Variants in C14orf93 observed in about 807,000 individuals in gnomAD.
C14orf93 encodes chromosome 14 open reading frame 93.
A neutral mutation model predicts 44.0 loss-of-function variants in C14orf93; 23 were observed. The ratio of observed to expected loss-of-function variants is 0.52; its 90% CI spans 0.38 to 0.74. C14orf93 has a LOEUF of 0.74. Among genes scored for constraint, C14orf93 ranks in the 30% least tolerant of loss-of-function variants. The probability of loss-of-function intolerance (pLI) is 0.00; values close to 1 mark genes in which losing one functional copy is unlikely to be tolerated. For missense variants in C14orf93, 579 were observed against 678.9 expected (o/e 0.85, Z 1.64); for synonymous variants, 253 against 265.7 (o/e 0.95, Z 0.46).
chr14:22,991,699 T>C (rs776857627), intron 3 of C14orf93, among the ~76,000 whole-genome samples: 11 of 150,962 alleles, frequency 7.3e-5, no homozygotes, highest in African/African-American at 1.5e-4. Context: ...GCCTCCCGAG[T>C]AGCTGGGACT....
Position 22,996,228 on chromosome 14 carries a change from C to T in C14orf93, c.638G>A (p.Arg213Gln), listed in dbSNP as rs1462918039. The change falls in exon 3 of 7, where the codon CGA (arginine) becomes CAA (glutamine). Residue 213 changes from arginine to glutamine, a missense_variant. Arg to Gln is a conservative substitution (Grantham distance 43). Transcript: ENST00000299088. This position sits in a 1 kb window ranked among gnomAD's most constrained non-coding sequence, Gnocchi z 4.1. ...DYVASEGAVQRVLVPAYAKQL... is the reference protein window; with the variant it reads ...DYVASEGAVQQVLVPAYAKQL... ...CTTGGCATAAGCAGGGACCAGAACT[C>T]GCTGTACTGCACCCTCAGAGGCCAC... is the stretch of plus-strand genomic sequence containing the variant. 3.1e-6 allele frequency: 5 copies of T among 1,597,210 alleles called. No homozygotes were observed. Among genetic ancestry groups the T allele is most frequent in the Admixed American group, 1.7e-5 (1 of 58,986 alleles).
Position 22,989,893 on chromosome 14 carries a change from C to T in C14orf93, c.981-48G>A, listed in dbSNP as rs537824012. ...AATAAAGTTGTCGGCTTTGTAAGAG[C>T]CAGACAAACAGAGATACCCAGCACT... On this transcript the variant is annotated intron_variant, in intron 4 of 6. Transcript: ENST00000299088. 1.7e-5 allele frequency: 26 copies of T among 1,541,644 alleles called. No individual in the cohort carries two copies. In the African/African-American group the frequency reaches 1.8e-4, roughly 10 times the overall value.
chr14:22,997,299 G>C (rs573060750), intron 2 of C14orf93, among the ~76,000 whole-genome samples: 4 of 152,134 alleles, frequency 2.6e-5, no homozygotes, highest in Non-Finnish European at 4.4e-5. Flanking sequence ...TTACACTGGA[G>C]GGGGAGAGAG....
intron 1 of C14orf93, chr14:23,000,829 G>A (rs1460741006): frequency 1.3e-5 from 2 of 151,494 alleles, no homozygotes; most frequent in Non-Finnish European, 2.9e-5. Flanking sequence ...CAATATCAAT[G>A]CCTCTGAGGT....
Position 22,998,525 on chromosome 14 carries a change from C to T in C14orf93, c.499G>A (p.Val167Met), listed in dbSNP as rs934737658. The T allele has an allele frequency of 6.2e-7, 1 of 1,613,526 alleles. No individual in the cohort carries two copies. The highest frequency in any genetic ancestry group is 8.5e-7 in the Non-Finnish European group (1 of 1,179,844). The stretch of plus-strand genomic sequence containing the variant: ...GGGAAGCCCAAAGGCCCAGGCCCCA[C>T]TGAGGCTGCTCCCAGCTGCCGCAGC... ...EELRQLGAAS[V>M]GPGPLGFPAT... Residue 167 changes from valine to methionine, a missense_variant, in exon 2 of 7, where the codon GTG (valine) becomes ATG (methionine). Val to Met is a conservative substitution (Grantham distance 21). Transcript: ENST00000299088.
intron 2 of C14orf93, among the ~76,000 whole-genome samples, chr14:22,997,437 AAGAG>A (rs1478219092): frequency 6.6e-6 from 1 of 152,072 alleles, no homozygotes; most frequent in Non-Finnish European, 1.5e-5. Flanking sequence ...GGAGGAGAAA[AAGAG>A]AGGACAGACG....
chr14:22,991,269 G>T, intron 3 of C14orf93, among the ~76,000 whole-genome samples: 1 of 148,910 alleles, frequency 6.7e-6, no homozygotes, highest in African/African-American at 2.5e-5. Context: ...GCTCATGCCT[G>T]TAATCCCAGT....
chr14:23,003,536 C>G (rs1235163078), intron 1 of C14orf93, among the ~76,000 whole-genome samples: 1 of 151,940 alleles, frequency 6.6e-6, no homozygotes. Context: ...CGCCTATAAT[C>G]CCAGCACTTT....
At chr14:22,989,281 C>T (rs989327191) in intron 5 of C14orf93, among the ~76,000 whole-genome samples, 1 of 152,228 alleles carries the variant, frequency 6.6e-6, no homozygotes, top group African/African-American at 2.4e-5. Context: ...GGATGAGCCA[C>T]GTTACCTGGC....
At chr14:22,995,899 C>A (rs777615149) in intron 3 of C14orf93, 49 bp downstream of exon 3, 6 of 1,499,638 alleles carry the variant, frequency 4.0e-6, no homozygotes, top group Non-Finnish European at 5.4e-6. Flanking sequence ...TCACTCTTCA[C>A]TTATCTCTCC....
Position 22,996,322 on chromosome 14 carries a change from G to A in C14orf93, c.598-54C>T. The A allele has an allele frequency of 6.7e-7, 1 of 1,482,750 alleles. No homozygotes were observed. The highest frequency in any genetic ancestry group is 1.3e-5 in the South Asian group (1 of 74,180). The allele number at this position is 1,482,750 out of a possible 1,614,324, so 91.8% of individuals were successfully genotyped here. ...AGCCAGCCAGGCTTAGGGGAACCTGGTTAACCATCATTCTTTGGCTAAGAA... is the reference window on the plus strand; with the variant it reads ...AGCCAGCCAGGCTTAGGGGAACCTGATTAACCATCATTCTTTGGCTAAGAA... On this transcript the variant is annotated intron_variant, in intron 2 of 6. Transcript: ENST00000299088. This position sits in a 1 kb window ranked among gnomAD's most constrained non-coding sequence, Gnocchi z 4.1.
rs749407066 is a variant in C14orf93, at chr14:22,989,722, G to T, written c.1084+20C>A. On this transcript the variant is annotated intron_variant, in intron 5 of 6. Coordinates refer to ENST00000299088, the MANE Select transcript of C14orf93 (RefSeq NM_021944.4). ...GAGGGGGAGAAAGGATGGCATAGGA[G>T]TTAAACCAGTTTTTCTCACCTTTTA... The T allele has an allele frequency of 7.7e-6, 12 of 1,551,582 alleles. No homozygotes were observed. The Admixed American group carries it at 1.8e-4, about 24-fold the overall frequency.
At chr14:22,988,162 T>G in intron 5 of C14orf93, 147 bp from the exon 6 acceptor site, 1 of 584,736 alleles carries the variant, frequency 1.7e-6, no homozygotes, top group Non-Finnish European at 3.0e-6. Context: ...AGATGTAGTT[T>G]CACTCTTGTT....
intron 1 of C14orf93, chr14:23,006,946 T>C (rs1385217972): frequency 6.6e-6 from 1 of 151,834 alleles, no homozygotes; most frequent in East Asian, 1.9e-4. Context: ...CCGGGGAGGG[T>C]AGACTACGTA....
At chr14:22,990,216 C>G in intron 3 of C14orf93, 89 bp from the exon 4 acceptor site, 1 of 1,110,322 alleles carries the variant, frequency 9.0e-7, no homozygotes, top group Admixed American at 2.2e-5. Context: ...GGTATTGTCC[C>G]TAAGGGGCTC....
intron 5 of C14orf93, among the ~76,000 whole-genome samples, chr14:22,988,507 T>C (rs962387058): frequency 3.9e-5 from 6 of 152,138 alleles, no homozygotes; most frequent in African/African-American, 1.4e-4. Flanking sequence ...TATTTTATTA[T>C]GATTTTGTTA....
At chr14:23,007,242 A>G (rs1008481968) in intron 1 of C14orf93, 3 of 152,230 alleles carry the variant, frequency 2.0e-5, no homozygotes, top group African/African-American at 7.2e-5. Flanking sequence ...AGGGTCACGG[A>G]CACTATTGGC....
In C14orf93 at chr14:22,986,992, C is replaced by T. The variant is rs566897268; in HGVS notation, c.*223G>A. On this transcript the variant is annotated 3_prime_UTR_variant, in exon 7 of 7. Coordinates refer to ENST00000299088, the MANE Select transcript of C14orf93 (RefSeq NM_021944.4). The stretch of plus-strand genomic sequence containing the variant: ...GATACTGTTTATGCTGAGGAATAAG[C>T]ATATTCTGGCTTACTGTTCACAGTG... 147 of 583,158 alleles carry T rather than the reference C, an allele frequency of 2.5e-4. 1 individual carries two copies. The highest frequency in any genetic ancestry group is 1.9e-3 in the South Asian group (88 of 47,084). The allele number at this position is 583,158 out of a possible 1,614,324, so 36.1% of individuals were successfully genotyped here.
At chr14:22,989,699 G>C (rs754637840) in intron 5 of C14orf93, 43 bp downstream of exon 5, 2 of 1,299,680 alleles carry the variant, frequency 1.5e-6, no homozygotes, top group East Asian at 2.3e-5. Flanking sequence ...TGGGAGGAGA[G>C]GGGGAGAAAG....
Sources: allele counts gnomAD v4.1 joint callset (sites outside exome capture counted in the v4.1 genomes callset), GRCh38; gene constraint gnomAD v4.1.1; non-coding constraint Gnocchi (gnomAD v3.1); transcripts MANE v1.5; gene names NCBI Gene and HGNC (gene_info 2026-07-23, HGNC 2026-07-21).